Variants in STXBP5 observed in about 807,000 individuals in gnomAD.
The protein encoded by STXBP5 is syntaxin-binding protein 5.
STXBP5 carries 50 observed loss-of-function variants against 152.4 expected under a neutral mutation model. That is an observed-to-expected ratio of 0.33 (90% confidence interval 0.26 to 0.42). The LOEUF (loss-of-function observed/expected upper bound fraction) is 0.42, where lower values mean the gene tolerates loss of function less well. Ranked by LOEUF, STXBP5 falls within the 10% of genes least tolerant of loss-of-function variation. STXBP5 has a pLI of 1.00. For missense variants in STXBP5, 1,167 were observed against 1,388.6 expected, an observed-to-expected ratio of 0.84 and a Z score of 2.54; for synonymous variants, 492 against 494.7, an observed-to-expected ratio of 0.99 and a Z score of 0.07.
chr6:147,328,329 CATACTT>C (rs1468290603), intron 18 of STXBP5, among the ~76,000 whole-genome samples: 4 of 152,196 alleles, frequency 2.6e-5, no homozygotes, highest in African/African-American at 9.6e-5. Flanking sequence ...CTGTTTGAGG[CATACTT>C]AACTCATTTG....
intron 2 of STXBP5, 112 bp from the exon 3 acceptor site, chr6:147,235,138 A>G (rs1244545299): frequency 1.5e-5 from 12 of 784,876 alleles, no homozygotes. Context: ...ACTTCAGTAA[A>G]TGGCCTGTAT....
At chr6:147,358,473 A>T (rs1272537436) in intron 22 of STXBP5, among the ~76,000 whole-genome samples, 2 of 152,114 alleles carry the variant, frequency 1.3e-5, no homozygotes, top group African/African-American at 4.8e-5. Flanking sequence ...GTTTGTTTGT[A>T]TATTAAGAAA....
In STXBP5 at chr6:147,315,615, A is replaced by G. The variant is rs371123905; in HGVS notation, c.1503A>G (p.Pro501=). The change falls in exon 15 of 28, where the codon CCA becomes CCG. Residue 501 remains proline, a synonymous_variant. Coordinates refer to ENST00000321680, the MANE Select transcript of STXBP5 (RefSeq NM_001127715.4). ...RPNTDIVDED[P]YAIQIISWCP... ...ACACAGACATTGTAGATGAAGATCC[A>G]TATGCCATTCAGATCATCTCCTGGT... The G allele has an allele frequency of 1.2e-6, 2 of 1,613,874 alleles. No individual in the cohort carries two copies. Among genetic ancestry groups the G allele is most frequent in the Admixed American group, 1.7e-5 (1 of 59,972 alleles).
chr6:147,218,158 G>A (rs754000628), intron 2 of STXBP5, among the ~76,000 whole-genome samples: 6 of 152,130 alleles, frequency 3.9e-5, no homozygotes, highest in Non-Finnish European at 8.8e-5. Flanking sequence ...TCCATTATCA[G>A]CAGAGTGGTA....
chr6:147,235,351 C>T lies in STXBP5; in HGVS notation c.330+20C>T. The T allele has an allele frequency of 6.2e-7, 1 of 1,602,610 alleles. No homozygotes were observed. Among genetic ancestry groups the T allele is most frequent in the South Asian group, 1.1e-5 (1 of 90,360 alleles). On this transcript the variant is annotated intron_variant, in intron 3 of 27. Coordinates refer to ENST00000321680, the MANE Select transcript of STXBP5 (RefSeq NM_001127715.4). Reference sequence around the variant, plus strand: ...AATGAGGTTAGTGAATTGTTTTAATCATTTCTACTTATATCCAAAATAGGG... The same window carrying T: ...AATGAGGTTAGTGAATTGTTTTAATTATTTCTACTTATATCCAAAATAGGG...
At position 147,386,845 on chromosome 6, in the gene STXBP5, G is replaced by A. The variant is rs1272063217; in HGVS notation, c.*2090G>A. 1 of 151,666 alleles carries A rather than the reference G, an allele frequency of 6.6e-6. No individual in the cohort carries two copies. Among genetic ancestry groups the A allele is most frequent in the African/African-American group, 2.4e-5 (1 of 41,398 alleles). 9.4% of individuals were successfully genotyped at this position (151,666 alleles called of 1,614,324 possible). ...TACTGGTTGGTTCCCTATCTATGTGGAAGGTCATATTAGCTGCAATTATTT... is the reference window on the plus strand; with the variant it reads ...TACTGGTTGGTTCCCTATCTATGTGAAAGGTCATATTAGCTGCAATTATTT... On this transcript the variant is annotated 3_prime_UTR_variant, in exon 28 of 28. Transcript: ENST00000321680.
intron 25 of STXBP5, 140 bp from the exon 26 acceptor site, chr6:147,373,591 G>A (rs942079225): frequency 1.3e-5 from 7 of 554,870 alleles, no homozygotes; most frequent in South Asian, 2.8e-5. Flanking sequence ...GTATCTGATC[G>A]TAGGACATGT....
intron 2 of STXBP5, among the ~76,000 whole-genome samples, chr6:147,223,785 T>A (rs1777577360): frequency 6.6e-6 from 1 of 152,176 alleles, no homozygotes; most frequent in South Asian, 2.1e-4. Context: ...GAGCCAAAAT[T>A]GAGAAATACT....
intron 23 of STXBP5, among the ~76,000 whole-genome samples, chr6:147,359,929 T>C (rs1784989429): frequency 1.3e-5 from 2 of 151,786 alleles, no homozygotes; most frequent in Admixed American, 1.3e-4. Flanking sequence ...GAATCTACAA[T>C]GAACTCAAAC....
intron 6 of STXBP5, among the ~76,000 whole-genome samples, chr6:147,264,747 T>G (rs912121282): frequency 1.3e-5 from 2 of 152,114 alleles, no homozygotes; most frequent in African/African-American, 4.8e-5. Context: ...CAATTTTAAT[T>G]AAGTACTCTA....
intron 4 of STXBP5, among the ~76,000 whole-genome samples, chr6:147,252,184 A>C (rs562715928): frequency 1.3e-5 from 2 of 152,140 alleles, no homozygotes; most frequent in African/African-American, 4.8e-5. Flanking sequence ...CCAAAGGATC[A>C]CAACTCCTTG....
chr6:147,209,268 A>G (rs2115023489), intron 2 of STXBP5, among the ~76,000 whole-genome samples: 1 of 152,230 alleles, frequency 6.6e-6, no homozygotes, highest in East Asian at 1.9e-4. Context: ...AACCTCATTC[A>G]TTGTCTTCTT....
chr6:147,327,477 C>A (rs1783325462), intron 18 of STXBP5, among the ~76,000 whole-genome samples: 1 of 152,076 alleles, frequency 6.6e-6, no homozygotes, highest in South Asian at 2.1e-4. Flanking sequence ...GAGACAGGGT[C>A]TCACTCTGTC....
At chr6:147,270,119 C>T (rs552211138) in intron 7 of STXBP5, among the ~76,000 whole-genome samples, 19 of 152,108 alleles carry the variant, frequency 1.2e-4, no homozygotes, top group Admixed American at 9.8e-4. Flanking sequence ...ACAGCAGAGG[C>T]CGGGTGCGGT....
At chr6:147,325,216 G>A (rs962804320) in intron 17 of STXBP5, 132 bp downstream of exon 17, 8 of 885,624 alleles carry the variant, frequency 9.0e-6, no homozygotes, top group South Asian at 8.5e-5. Flanking sequence ...GATTTCAGAC[G>A]AAATTGACTG....
At chr6:147,223,989 T>TA (rs1777584883) in intron 2 of STXBP5, among the ~76,000 whole-genome samples, 1 of 151,784 alleles carries the variant, frequency 6.6e-6, no homozygotes, top group African/African-American at 2.4e-5. Context: ...GTGAAACTGT[T>TA]ACGTGAAATA....
At chr6:147,329,993 A>G (rs1384471281) in intron 18 of STXBP5, among the ~76,000 whole-genome samples, 3 of 152,256 alleles carry the variant, frequency 2.0e-5, no homozygotes, top group Middle Eastern at 3.4e-3. Context: ...AGATGCTGAT[A>G]TATTTTTATA....
chr6:147,205,377 T>C (rs1373096930), intron 1 of STXBP5, among the ~76,000 whole-genome samples: 2 of 147,138 alleles, frequency 1.4e-5, no homozygotes, highest in Admixed American at 6.8e-5. Flanking sequence ...TGTGCATATA[T>C]ATATATATAT....
At chr6:147,263,586 G>T (rs941588830) in intron 6 of STXBP5, among the ~76,000 whole-genome samples, 2 of 151,774 alleles carry the variant, frequency 1.3e-5, no homozygotes, top group Non-Finnish European at 2.9e-5. Flanking sequence ...TTGAAATATA[G>T]CCCTAGATTT....
Sources: gnomAD v4.1 joint callset for allele counts (sites outside exome capture counted in the v4.1 genomes callset) on GRCh38, gnomAD v4.1.1 for gene constraint, MANE v1.5 for transcripts, NCBI Gene and HGNC (gene_info 2026-07-23, HGNC 2026-07-21) for gene names.